Variants in PDE7A observed in about 807,000 individuals in gnomAD.
The protein encoded by PDE7A is high affinity 3',5'-cyclic-AMP phosphodiesterase 7A.
A neutral mutation model predicts 64.3 loss-of-function variants in PDE7A; 39 were observed. The observed-to-expected ratio is 0.61, with a 90% confidence interval of 0.47 to 0.79. PDE7A has a LOEUF of 0.79. Ranked by LOEUF, PDE7A falls within the 30% of genes least tolerant of loss-of-function variation. The pLI, the probability that PDE7A is intolerant of heterozygous loss-of-function variation, is 0.00. For synonymous variants in PDE7A, 203 were observed against 206.8 expected, an observed-to-expected ratio of 0.98 and a Z score of 0.16; for missense variants, 470 against 582.8, an observed-to-expected ratio of 0.81 and a Z score of 1.99.
intron 1 of PDE7A, among the ~76,000 whole-genome samples, chr8:65,834,880 A>G (rs551569218): frequency 1.8e-4 from 28 of 152,346 alleles, no homozygotes; most frequent in African/African-American, 6.5e-4. Context: ...GCCAAAATAA[A>G]GCCCTGCAAG....
intron 7 of PDE7A, among the ~76,000 whole-genome samples, chr8:65,728,968 A>G (rs1172719632): frequency 1.3e-5 from 2 of 152,310 alleles, no homozygotes; most frequent in Admixed American, 6.5e-5. Context: ...ACATGCAAAA[A>G]AATATTTGAT....
chr8:65,769,469 G>A (rs924480768), intron 3 of PDE7A, among the ~76,000 whole-genome samples: 3 of 152,144 alleles, frequency 2.0e-5, no homozygotes, highest in South Asian at 2.1e-4. Flanking sequence ...AGAAGAATTC[G>A]TAATCATCAA....
At chr8:65,762,067 T>C (rs1808525457) in intron 3 of PDE7A, among the ~76,000 whole-genome samples, 1 of 152,312 alleles carries the variant, frequency 6.6e-6, no homozygotes, top group Admixed American at 6.5e-5. Context: ...TTAACAATCA[T>C]GAAGATACTA....
In PDE7A at chr8:65,811,755, C is replaced by T. The variant is rs60254988; in HGVS notation, c.139-28912G>A. ...TAGTTAGAGGGAAGAAGGGAGTTTT[C>T]GACAAATGATAGATTCTTCTAGAAT... On this transcript the variant is annotated intron_variant, in intron 1 of 12. Transcript: ENST00000401827. 9.5e-4 allele frequency among the ~76,000 whole-genome samples: 144 copies of T among 152,038 alleles called. 3 individuals are homozygous for T. The East Asian group carries it at 0.027, about 29-fold the overall frequency.
chr8:65,794,878 A>T (rs1809797222), intron 1 of PDE7A, among the ~76,000 whole-genome samples: 1 of 152,214 alleles, frequency 6.6e-6, no homozygotes, highest in African/African-American at 2.4e-5. Context: ...AGTACCAAGT[A>T]TGACAATTAA....
intron 7 of PDE7A, among the ~76,000 whole-genome samples, chr8:65,733,002 C>T (rs1806963494): frequency 6.6e-6 from 1 of 152,206 alleles, no homozygotes; most frequent in Middle Eastern, 3.4e-3. Flanking sequence ...AGTCACCGTG[C>T]CCAGTCCTGG....
chr8:65,789,145 A>G, intron 1 of PDE7A: 1 of 1,024,560 alleles, frequency 9.8e-7, no homozygotes, highest in Non-Finnish European at 1.3e-6. Flanking sequence ...TACCCAGCGC[A>G]TGCTTCATGC....
At chr8:65,733,773 A>G (rs1411514372) in intron 7 of PDE7A, among the ~76,000 whole-genome samples, 9 of 152,210 alleles carry the variant, frequency 5.9e-5, no homozygotes, top group Non-Finnish European at 4.4e-5. Context: ...GGGCATTTTC[A>G]CATATTCTAT....
At position 65,841,577 on chromosome 8, in the gene PDE7A, G is replaced by T. The variant is rs1811090597; in HGVS notation, c.-69C>A. 4 of 976,786 alleles carry T rather than the reference G, an allele frequency of 4.1e-6. No homozygotes were observed. The African/African-American group carries it at 7.0e-5, about 17-fold the overall frequency. The allele number at this position is 976,786 out of a possible 1,614,324, so 60.5% of individuals were successfully genotyped here. ...GGCCGCCGGCCCCTGCAGTGGGAGG[G>T]GGCCGCGGCTCGGGGGCTCCGGGCC... On this transcript the variant is annotated 5_prime_UTR_variant, in exon 1 of 13. Transcript: ENST00000401827.
At chr8:65,739,376 T>G (rs1807300364) in intron 6 of PDE7A, 126 bp downstream of exon 6, 18 of 1,095,818 alleles carry the variant, frequency 1.6e-5, no homozygotes, top group Admixed American at 4.4e-5. Context: ...TGTGTGTTGT[T>G]TTAAGCCACT....
intron 3 of PDE7A, among the ~76,000 whole-genome samples, chr8:65,750,059 T>C (rs970512815): frequency 1.3e-5 from 2 of 152,184 alleles, no homozygotes; most frequent in African/African-American, 4.8e-5. Context: ...ATCTAATTAA[T>C]GTAACACTAG....
At chr8:65,724,488 T>A in intron 10 of PDE7A, 137 bp from the exon 11 acceptor site, 1 of 607,716 alleles carries the variant, frequency 1.6e-6, no homozygotes, top group South Asian at 2.5e-5. Context: ...TTTTTAGATG[T>A]AAGAATTTAT....
At chr8:65,776,139 A>AT (rs1215369097) in intron 3 of PDE7A, among the ~76,000 whole-genome samples, 11 of 152,024 alleles carry the variant, frequency 7.2e-5, no homozygotes, top group African/African-American at 1.4e-4. Flanking sequence ...CCAAAATTTG[A>AT]TTTTTTTTAA....
At chr8:65,741,418 T>A (rs1807430817) in intron 5 of PDE7A, among the ~76,000 whole-genome samples, 1 of 152,200 alleles carries the variant, frequency 6.6e-6, no homozygotes, top group African/African-American at 2.4e-5. Context: ...AACCTTGTTA[T>A]CTAAAACTGC....
chr8:65,725,069 G>T, intron 9 of PDE7A, 148 bp from the exon 10 acceptor site: 1 of 462,022 alleles, frequency 2.2e-6, no homozygotes, highest in Non-Finnish European at 3.7e-6. Flanking sequence ...CACAAAAAAT[G>T]AGTTTTATAG....
At chr8:65,740,345 AC>A (rs1344105069) in intron 5 of PDE7A, among the ~76,000 whole-genome samples, 1 of 151,582 alleles carries the variant, frequency 6.6e-6, no homozygotes, top group Non-Finnish European at 1.5e-5. Context: ...GTTCCCATCC[AC>A]CCCCTCATTC....
At chr8:65,762,604 GAGATAATATATGCAGTA>G (rs1808558336) in intron 3 of PDE7A, among the ~76,000 whole-genome samples, 2 of 152,164 alleles carry the variant, frequency 1.3e-5, no homozygotes, top group Admixed American at 1.3e-4. Flanking sequence ...AAGATTAAAT[GAGATAATATATGCAGTA>G]TGTCTTTGCA....
chr8:65,805,186 T>C (rs975431088), intron 1 of PDE7A, among the ~76,000 whole-genome samples: 1 of 152,112 alleles, frequency 6.6e-6, no homozygotes, highest in East Asian at 1.9e-4. Flanking sequence ...TAAGAATCAG[T>C]TGGATATAGT....
intron 1 of PDE7A, among the ~76,000 whole-genome samples, chr8:65,790,661 G>A (rs1304358685): frequency 6.6e-6 from 1 of 152,170 alleles, no homozygotes; most frequent in Admixed American, 6.5e-5. Flanking sequence ...TTCCTAACCT[G>A]AAACCATTCT....
Sources: gnomAD v4.1 joint callset for allele counts (sites outside exome capture counted in the v4.1 genomes callset) on GRCh38, gnomAD v4.1.1 for gene constraint, MANE v1.5 for transcripts, NCBI Gene and HGNC (gene_info 2026-07-23, HGNC 2026-07-21) for gene names.